Variants in FHIP1A observed in about 807,000 individuals in gnomAD.
FHIP1A encodes FHF complex subunit HOOK-interacting protein 1A.
In FHIP1A, 61 loss-of-function variants were observed where a neutral mutation model predicts 88.6. That is an observed-to-expected ratio of 0.69 (90% CI 0.56 to 0.85). The LOEUF (loss-of-function observed/expected upper bound fraction) is 0.85, where lower values mean the gene tolerates loss of function less well. FHIP1A is among the 40% of genes least tolerant of loss of function. FHIP1A has a pLI of 0.00. For missense variants in FHIP1A, 1,154 were observed against 1,273.5 expected, an observed-to-expected ratio of 0.91 and a Z score of 1.43; for synonymous variants, 478 against 496.0, an observed-to-expected ratio of 0.96 and a Z score of 0.48.
intron 1 of FHIP1A, among the ~76,000 whole-genome samples, chr4:151,444,439 A>C (rs2724546): frequency 2.0e-5 from 3 of 151,938 alleles, no homozygotes; most frequent in African/African-American, 4.8e-5. Context: ...GATACCTACT[A>C]TATAGCTTAA....
At chr4:151,575,185 G>A (rs916317681) in intron 4 of FHIP1A, among the ~76,000 whole-genome samples, 3 of 152,182 alleles carry the variant, frequency 2.0e-5, no homozygotes, top group African/African-American at 4.8e-5. Context: ...AGGCCTAGCT[G>A]TAAAGATAGC....
intron 3 of FHIP1A, among the ~76,000 whole-genome samples, chr4:151,532,332 T>C (rs1159916535): frequency 1.3e-5 from 2 of 152,246 alleles, no homozygotes; most frequent in Non-Finnish European, 2.9e-5. Flanking sequence ...CAAAAGCTAG[T>C]ACCTCAAGTA....
intron 3 of FHIP1A, among the ~76,000 whole-genome samples, chr4:151,546,671 G>A (rs1732515532): frequency 6.6e-6 from 1 of 152,196 alleles, no homozygotes; most frequent in Non-Finnish European, 1.5e-5. Flanking sequence ...AGAAATCTCA[G>A]TTACCCAGGA....
chr4:151,414,254 T>C (rs1732799231), intron 1 of FHIP1A, among the ~76,000 whole-genome samples: 1 of 152,102 alleles, frequency 6.6e-6, no homozygotes, highest in Non-Finnish European at 1.5e-5. Flanking sequence ...GGTTTCACCA[T>C]GTTGGCCAGG....
intron 3 of FHIP1A, among the ~76,000 whole-genome samples, chr4:151,508,352 T>A (rs530358527): frequency 1.4e-4 from 21 of 152,294 alleles, no homozygotes; most frequent in African/African-American, 3.8e-4. Context: ...CCTAGTAATG[T>A]TAGGTGTACT....
chr4:151,445,454 C>T (rs139670222), intron 1 of FHIP1A, among the ~76,000 whole-genome samples: 3 of 152,040 alleles, frequency 2.0e-5, no homozygotes, highest in African/African-American at 7.2e-5. Flanking sequence ...GTAGCCCCAG[C>T]AAGGTGGAGT....
chr4:151,451,843 G>T (rs1447939580), intron 1 of FHIP1A, among the ~76,000 whole-genome samples: 7 of 146,594 alleles, frequency 4.8e-5, no homozygotes, highest in Non-Finnish European at 6.0e-5. Flanking sequence ...TTGAAACAGG[G>T]TTTTGCTCTA....
intron 1 of FHIP1A, among the ~76,000 whole-genome samples, chr4:151,430,863 C>G (rs988754569): frequency 5.3e-5 from 8 of 152,206 alleles, no homozygotes; most frequent in African/African-American, 1.9e-4. Context: ...CCTTAGTTTA[C>G]ACGGGCAGTA....
chr4:151,633,978 A>C (rs939936571), intron 8 of FHIP1A, among the ~76,000 whole-genome samples: 2 of 151,928 alleles, frequency 1.3e-5, no homozygotes, highest in African/African-American at 4.8e-5. Flanking sequence ...GGATAGAAAG[A>C]AGTTAAATTG....
chr4:151,553,507 TG>T (rs1347311316), intron 3 of FHIP1A, among the ~76,000 whole-genome samples: 1 of 152,210 alleles, frequency 6.6e-6, no homozygotes, highest in Non-Finnish European at 1.5e-5. Context: ...TAATATTTAG[TG>T]TTTTTTTCTT....
Position 151,656,817 on chromosome 4 carries a change from C to T in FHIP1A, c.2788C>T (p.Pro930Ser). The T allele has an allele frequency of 6.4e-7, 1 of 1,551,578 alleles. No homozygotes were observed. Among genetic ancestry groups the T allele is most frequent in the Non-Finnish European group, 8.7e-7 (1 of 1,146,956 alleles). Reference sequence around the variant, plus strand: ...GTTTGCTTCTGTGGAGAGAGACTTCCCAGGGCTCCTCATTCAAGCTCAGCA... The same window carrying T: ...GTTTGCTTCTGTGGAGAGAGACTTCTCAGGGCTCCTCATTCAAGCTCAGCA... ...EQFASVERDF[P>S]GLLIQAQQYL... Residue 930 changes from proline to serine, a missense_variant, in exon 13 of 14, where the codon CCA becomes TCA. Coordinates refer to ENST00000435205, the MANE Select transcript of FHIP1A (RefSeq NM_001109977.3). The surrounding 1 kb of genome is among the most constrained non-coding windows in gnomAD (Gnocchi z 4.2).
intron 7 of FHIP1A, among the ~76,000 whole-genome samples, chr4:151,622,608 C>T (rs550215377): frequency 2.0e-5 from 3 of 152,124 alleles, no homozygotes; most frequent in Admixed American, 6.5e-5. Context: ...CAATATGCTT[C>T]GAATAGTCCT....
Position 151,568,668 on chromosome 4 carries a change from A to G in FHIP1A, c.105+2304A>G, listed in dbSNP as rs765043814. Among the ~76,000 whole-genome samples, 4 of 152,178 alleles carry G rather than the reference A, an allele frequency of 2.6e-5. No homozygotes were observed. The South Asian group carries it at 8.3e-4, about 31-fold the overall frequency. On this transcript the variant is annotated intron_variant, in intron 4 of 13. Coordinates refer to ENST00000435205, the MANE Select transcript of FHIP1A (RefSeq NM_001109977.3). ...AATGTATAAGCTAATTCAGATGACA[A>G]TGCAAGATACATTATTACAAAATGA...
chr4:151,555,052 C>G (rs974355134), intron 3 of FHIP1A, among the ~76,000 whole-genome samples: 2 of 152,076 alleles, frequency 1.3e-5, no homozygotes, highest in Non-Finnish European at 2.9e-5. Flanking sequence ...GTTCTCCCCC[C>G]AATCACAGAA....
chr4:151,603,434 C>A (rs902790821), intron 7 of FHIP1A, among the ~76,000 whole-genome samples: 2 of 152,112 alleles, frequency 1.3e-5, no homozygotes, highest in Non-Finnish European at 2.9e-5. Context: ...TCTCTTAGTT[C>A]TCCTTAGGGT....
chr4:151,603,300 G>C (rs1734943528), intron 7 of FHIP1A, among the ~76,000 whole-genome samples: 1 of 151,090 alleles, frequency 6.6e-6, no homozygotes, highest in African/African-American at 2.4e-5. Context: ...GCAACAGAGC[G>C]AGACTCCGTC....
chr4:151,468,065 A>T (rs1004413372), intron 2 of FHIP1A, among the ~76,000 whole-genome samples: 1 of 151,504 alleles, frequency 6.6e-6, no homozygotes, highest in African/African-American at 2.4e-5. Context: ...AGGGCGGATC[A>T]CGAGGTCAGG....
chr4:151,445,156 A>G (rs909679692), intron 1 of FHIP1A, among the ~76,000 whole-genome samples: 18 of 152,178 alleles, frequency 1.2e-4, no homozygotes, highest in Non-Finnish European at 2.1e-4. Flanking sequence ...TGTAGAACCC[A>G]AGGAAAGTTT....
At chr4:151,573,794 A>G (rs749737186) in intron 4 of FHIP1A, among the ~76,000 whole-genome samples, 1 of 152,102 alleles carries the variant, frequency 6.6e-6, no homozygotes, top group African/African-American at 2.4e-5. Flanking sequence ...TCAGGGACAC[A>G]GAAATATTGG....
Sources: gnomAD v4.1 joint callset for allele counts (sites outside exome capture counted in the v4.1 genomes callset) on GRCh38, gnomAD v4.1.1 for gene constraint, Gnocchi (gnomAD v3.1) non-coding constraint, MANE v1.5 for transcripts, NCBI Gene and HGNC (gene_info 2026-07-23, HGNC 2026-07-21) for gene names.